ABCB7: variants seen among roughly 807,000 people sequenced by gnomAD.
The protein encoded by ABCB7 is ATP binding cassette subfamily B member 7, also known as iron-sulfur clusters transporter ABCB7, mitochondrial.
A neutral mutation model predicts 54.4 loss-of-function variants in ABCB7; 7 were observed. That is an observed-to-expected ratio of 0.13 (90% CI 0.07 to 0.24). ABCB7 has a LOEUF of 0.24. ABCB7 is among the 10% of genes least tolerant of loss of function. ABCB7 has a pLI of 1.00. For synonymous variants in ABCB7, 218 were observed against 207.1 expected, an observed-to-expected ratio of 1.05 and a Z score of -0.45; for missense variants, 356 against 570.4, an observed-to-expected ratio of 0.62 and a Z score of 3.83.
At chrX:75,153,514 T>G (rs2082148780) in intron 1 of ABCB7, among the ~76,000 whole-genome samples, 1 of 109,317 alleles carries the variant, frequency 9.1e-6, no homozygotes, top group African/African-American at 3.3e-5. Flanking sequence ...TCTACTCTGC[T>G]AACTCTTAGC....
chrX:75,054,732 T>C (rs1254778860), intron 15 of ABCB7, among the ~76,000 whole-genome samples: 1 of 111,146 alleles, frequency 9.0e-6, no homozygotes, highest in Admixed American at 9.6e-5. Context: ...CCCAGAGATA[T>C]TCCCTTCAGA....
intron 1 of ABCB7, among the ~76,000 whole-genome samples, chrX:75,152,866 G>C (rs1403005312): frequency 3.6e-5 from 4 of 109,810 alleles, no homozygotes; most frequent in Non-Finnish European, 7.6e-5. Context: ...CACCATATTG[G>C]TCAGGCTGGT....
At chrX:75,148,347 T>A (rs1241526008) in intron 1 of ABCB7, among the ~76,000 whole-genome samples, 1 of 109,901 alleles carries the variant, frequency 9.1e-6, no homozygotes, top group Non-Finnish European at 1.9e-5. Flanking sequence ...GCAAATTAAA[T>A]TTTTTTTGTT....
At chrX:75,119,766 GTA>G (rs1382364287) in intron 1 of ABCB7, among the ~76,000 whole-genome samples, 5 of 111,653 alleles carry the variant, frequency 4.5e-5, no homozygotes, top group Non-Finnish European at 9.4e-5. Context: ...ATAACTTCGT[GTA>G]TGTTATTAAT....
chrX:75,153,244 A>T (rs1225112779), intron 1 of ABCB7, among the ~76,000 whole-genome samples: 1 of 110,192 alleles, frequency 9.1e-6, no homozygotes, highest in African/African-American at 3.3e-5. Context: ...TGCCCGGCTA[A>T]TTTTTTTTGT....
chrX:75,075,414 A>G lies in ABCB7; in HGVS notation c.803T>C (p.Val268Ala), dbSNP rs1389281114. ...RGISFVLSAL[V>A]FNLLPIMFEV... is the part of the protein sequence containing the mutation. ...AAACATGATGGGAAGAAGATTAAAT[A>G]CCAAAGCACTCAGGACAAAACTGAT... Residue 268 changes from valine (V) to alanine (A), a missense_variant, in exon 6 of 16, where the codon GTA (valine) becomes GCA (alanine). Physicochemically the swap from Val to Ala is moderately conservative, Grantham distance 64. Transcript: ENST00000373394. The G allele has an allele frequency of 4.1e-6, 5 of 1,209,766 alleles. No homozygotes were observed.
At chrX:75,087,936 C>G (rs181677058) in intron 4 of ABCB7, among the ~76,000 whole-genome samples, 1 of 111,908 alleles carries the variant, frequency 8.9e-6, no homozygotes, top group Admixed American at 9.5e-5. Flanking sequence ...CTCAACTCCA[C>G]TAATCTAATC....
chrX:75,088,416 A>G (rs775498119), intron 4 of ABCB7, among the ~76,000 whole-genome samples: 1 of 112,368 alleles, frequency 8.9e-6, no homozygotes, highest in Non-Finnish European at 1.9e-5. Flanking sequence ...GAAAAAGCAG[A>G]CAGCATGCAA....
At chrX:75,148,608 A>G (rs192537035) in intron 1 of ABCB7, among the ~76,000 whole-genome samples, 1 of 111,499 alleles carries the variant, frequency 9.0e-6, no homozygotes, top group Non-Finnish European at 1.9e-5. Context: ...TTAAAGTTCA[A>G]TGAGGTCATT....
At chrX:75,142,234 T>C (rs1332818182) in intron 1 of ABCB7, among the ~76,000 whole-genome samples, 2 of 111,957 alleles carry the variant, frequency 1.8e-5, no homozygotes, top group Admixed American at 9.5e-5. Flanking sequence ...GTATAACTTA[T>C]GCACATCCTC....
chrX:75,115,582 T>C (rs2081809178), intron 1 of ABCB7, among the ~76,000 whole-genome samples: 1 of 108,792 alleles, frequency 9.2e-6, no homozygotes, highest in Admixed American at 1.0e-4. Flanking sequence ...CCTTCTTTCG[T>C]CTTAATCGGA....
At chrX:75,080,532 T>G (rs1368482582) in intron 4 of ABCB7, among the ~76,000 whole-genome samples, 1 of 111,423 alleles carries the variant, frequency 9.0e-6, no homozygotes, top group African/African-American at 3.3e-5. Flanking sequence ...CTCAAACTCC[T>G]GGGCTCAAGT....
chrX:75,103,995 C>G (rs1480710105), intron 3 of ABCB7, among the ~76,000 whole-genome samples: 2 of 97,742 alleles, frequency 2.0e-5, no homozygotes. Flanking sequence ...TTAGGACTTC[C>G]AGTACCATGT....
chrX:75,135,966 G>A (rs997666169), intron 1 of ABCB7, among the ~76,000 whole-genome samples: 1 of 97,928 alleles, frequency 1.0e-5, no homozygotes, highest in African/African-American at 3.6e-5. Context: ...CATAGTCCTG[G>A]ATTTTCTAGC....
intron 4 of ABCB7, among the ~76,000 whole-genome samples, chrX:75,089,527 A>G (rs2081528118): frequency 9.0e-6 from 1 of 110,978 alleles, no homozygotes; most frequent in Non-Finnish European, 1.9e-5. Flanking sequence ...CTCTATGGCA[A>G]CCACTTAAAA....
At chrX:75,084,620 AT>A (rs2081481511) in intron 4 of ABCB7, among the ~76,000 whole-genome samples, 1 of 112,082 alleles carries the variant, frequency 8.9e-6, no homozygotes, top group Non-Finnish European at 1.9e-5. Context: ...AAGGAAAAAA[AT>A]AATAAACTGA....
chrX:75,109,891 TA>T (rs1455758251), intron 3 of ABCB7, among the ~76,000 whole-genome samples: 1 of 111,804 alleles, frequency 8.9e-6, no homozygotes, highest in African/African-American at 3.2e-5. Context: ...AATGGATTTA[TA>T]AAAAGAAGGT....
In ABCB7 at chrX:75,068,981, ATT is replaced by A. The variant is rs1198518812; in HGVS notation, c.1659+24_1659+25del. 5.0e-6 allele frequency: 6 copies of A among 1,202,628 alleles called. No individual in the cohort carries two copies. In the African/African-American group the frequency reaches 1.1e-4, roughly 21 times the overall value. Reference sequence around the variant, plus strand: ...GATCAACCCAATAAATCCTCCAAAAATTTGTTTTTTTCTGTTTTTAAATACCT... The same window carrying A: ...GATCAACCCAATAAATCCTCCAAAAATGTTTTTTTCTGTTTTTAAATACCT... On this transcript the variant is annotated intron_variant, in intron 12 of 15. Coordinates refer to ENST00000373394, the MANE Select transcript of ABCB7 (RefSeq NM_001271696.3).
intron 12 of ABCB7, among the ~76,000 whole-genome samples, chrX:75,065,901 T>C (rs2081314278): frequency 9.0e-6 from 1 of 111,517 alleles, no homozygotes; most frequent in South Asian, 3.8e-4. Flanking sequence ...CAGTTCCTCA[T>C]ATACTCAGAA....
Sources: gnomAD v4.1 joint callset for allele counts (sites outside exome capture counted in the v4.1 genomes callset) on GRCh38, gnomAD v4.1.1 for gene constraint, MANE v1.5 for transcripts, NCBI Gene and HGNC (gene_info 2026-07-23, HGNC 2026-07-21) for gene names.